The following CCBE1 variants were observed in gnomAD, a reference collection of about 807,000 sequenced individuals.
CCBE1 encodes collagen and calcium binding EGF domains 1.
CCBE1 carries 37 observed loss-of-function variants against 50.0 expected under a neutral mutation model. The ratio of observed to expected loss-of-function variants is 0.74; its 90% CI spans 0.57 to 0.97. The LOEUF (loss-of-function observed/expected upper bound fraction) is 0.97. CCBE1 is among the 50% of genes least tolerant of loss of function. The pLI, the probability that CCBE1 is intolerant of heterozygous loss-of-function variation, is 0.00. For missense variants in CCBE1, 538 were observed against 523.8 expected (o/e 1.03, Z -0.26); for synonymous variants, 234 against 203.7 (o/e 1.15, Z -1.27).
rs1422482903 is a variant in CCBE1 at position 59,671,262 on chromosome 18, G to A, written c.212+25367C>T. Among the ~76,000 whole-genome samples, 6 of 152,216 alleles carry A rather than the reference G, an allele frequency of 3.9e-5. No individual in the cohort carries two copies. In the East Asian group the frequency reaches 1.2e-3, roughly 29 times the overall value. On this transcript the variant is annotated intron_variant, in intron 2 of 10. Coordinates refer to ENST00000439986, the MANE Select transcript of CCBE1 (RefSeq NM_133459.4). ...ACCTGTAATCCCAGCACTTTGGGAG[G>A]CAGCCAAGACTGGCAGATCACTTGA... is the stretch of plus-strand genomic sequence containing the variant.
At chr18:59,628,040 C>A (rs1055588231) in intron 2 of CCBE1, among the ~76,000 whole-genome samples, 1 of 152,164 alleles carries the variant, frequency 6.6e-6, no homozygotes, top group Non-Finnish European at 1.5e-5. Context: ...TAACGACACC[C>A]CGTCTCTACA....
chr18:59,436,979 AC>A (rs756032559), intron 10 of CCBE1, among the ~76,000 whole-genome samples: 7 of 152,198 alleles, frequency 4.6e-5, no homozygotes, highest in African/African-American at 7.2e-5. Context: ...CTCAAAAAAA[AC>A]AATGCTGTTA....
intron 6 of CCBE1, among the ~76,000 whole-genome samples, chr18:59,449,340 G>T (rs894617966): frequency 1.3e-5 from 2 of 151,566 alleles, no homozygotes; most frequent in African/African-American, 4.9e-5. Context: ...CTGTCTGGGG[G>T]CCTGGGCACT....
At chr18:59,534,004 G>C (rs1290869084) in intron 2 of CCBE1, among the ~76,000 whole-genome samples, 2 of 151,820 alleles carry the variant, frequency 1.3e-5, no homozygotes, top group African/African-American at 4.9e-5. Context: ...CCATTTCATT[G>C]AGAGATTCCA....
chr18:59,586,796 T>C (rs1239894935), intron 2 of CCBE1, among the ~76,000 whole-genome samples: 1 of 152,152 alleles, frequency 6.6e-6, no homozygotes, highest in African/African-American at 2.4e-5. Flanking sequence ...ATAAAAATTA[T>C]AAAAGCTTAA....
intron 2 of CCBE1, among the ~76,000 whole-genome samples, chr18:59,554,556 C>CA (rs1209177874): frequency 6.6e-6 from 1 of 152,184 alleles, no homozygotes; most frequent in Non-Finnish European, 1.5e-5. Context: ...ATGTTGTCCC[C>CA]ATTCGCCTTT....
At chr18:59,563,836 A>AG (rs1397171205) in intron 2 of CCBE1, 8 of 152,216 alleles carry the variant, frequency 5.3e-5, no homozygotes, top group African/African-American at 1.9e-4. Context: ...CGATGTTTAG[A>AG]GGGGAAACAG....
chr18:59,594,693 C>T (rs2144544716), intron 2 of CCBE1, among the ~76,000 whole-genome samples: 1 of 152,302 alleles, frequency 6.6e-6, no homozygotes, highest in Middle Eastern at 3.4e-3. Context: ...AGTAGATACT[C>T]ATTTCCTCGG....
intron 6 of CCBE1, among the ~76,000 whole-genome samples, chr18:59,450,839 G>T (rs565202174): frequency 1.3e-5 from 2 of 152,298 alleles, no homozygotes; most frequent in Non-Finnish European, 1.5e-5. Flanking sequence ...CCGGCCTACA[G>T]TCAGTTTAAT....
At chr18:59,543,605 G>A (rs1454596398) in intron 2 of CCBE1, among the ~76,000 whole-genome samples, 1 of 152,144 alleles carries the variant, frequency 6.6e-6, no homozygotes, top group Non-Finnish European at 1.5e-5. Context: ...AGAGGCCGAG[G>A]CGGGCAGATC....
chr18:59,480,374 TA>T (rs2143771669), intron 2 of CCBE1, 136 bp from the exon 3 acceptor site: 2 of 619,686 alleles, frequency 3.2e-6, no homozygotes, highest in East Asian at 5.7e-5. Flanking sequence ...GAAGTATTTT[TA>T]AGGCAATCTG....
At chr18:59,692,956 GCACACACA>G (rs59496597) in intron 2 of CCBE1, among the ~76,000 whole-genome samples, 973 of 86,930 alleles carry the variant, frequency 0.011, 16 homozygotes, top group African/African-American at 0.032. Flanking sequence ...TCAAGCCAAA[GCACACACA>G]CACACACACA....
intron 7 of CCBE1, among the ~76,000 whole-genome samples, chr18:59,445,413 G>C (rs1598906196): frequency 6.6e-6 from 1 of 152,312 alleles, no homozygotes; most frequent in East Asian, 1.9e-4. Flanking sequence ...AGACTGAGAA[G>C]ATTGTTATAC....
intron 2 of CCBE1, among the ~76,000 whole-genome samples, chr18:59,481,813 A>G (rs1912583658): frequency 6.6e-6 from 1 of 152,248 alleles, no homozygotes; most frequent in Non-Finnish European, 1.5e-5. Flanking sequence ...GGAGTTCTTC[A>G]GGCTAACAGG....
intron 2 of CCBE1, among the ~76,000 whole-genome samples, chr18:59,602,548 A>G (rs2053446844): frequency 6.6e-6 from 1 of 152,220 alleles, no homozygotes; most frequent in Non-Finnish European, 1.5e-5. Flanking sequence ...CACATTGAAA[A>G]CAGAAAATAC....
chr18:59,546,055 C>G (rs1394203266), intron 2 of CCBE1, among the ~76,000 whole-genome samples: 1 of 152,178 alleles, frequency 6.6e-6, no homozygotes, highest in Admixed American at 6.5e-5. Flanking sequence ...TGAACTTTTT[C>G]TCTTTTGAAA....
chr18:59,651,172 A>G lies in CCBE1; in HGVS notation c.212+45457T>C, dbSNP rs536231347. Among the ~76,000 whole-genome samples, 79 of 152,328 alleles carry G rather than the reference A, an allele frequency of 5.2e-4. No individual in the cohort carries two copies. The South Asian group carries it at 0.016, about 30-fold the overall frequency. Reference sequence around the variant, plus strand: ...AACAAGCCTAAGCTATAGAAAGATAAGAACCTAGGATCTCACCAATTACAA... The same window carrying G: ...AACAAGCCTAAGCTATAGAAAGATAGGAACCTAGGATCTCACCAATTACAA... On this transcript the variant is annotated intron_variant, in intron 2 of 10. Transcript: ENST00000439986.
At chr18:59,460,936 A>AAAAT (rs59182848) in intron 5 of CCBE1, among the ~76,000 whole-genome samples, 25,275 of 141,032 alleles carry the variant, frequency 0.18, 2,543 homozygotes, top group African/African-American at 0.26. Context: ...CTCTGTCTCA[A>AAAAT]AAATAAATAA....
At chr18:59,583,960 G>C (rs1202759292) in intron 2 of CCBE1, among the ~76,000 whole-genome samples, 1 of 152,048 alleles carries the variant, frequency 6.6e-6, no homozygotes, top group South Asian at 2.1e-4. Context: ...CAGGGATCTA[G>C]AACAAGAAAT....
Sources: gnomAD v4.1 joint callset for allele counts (sites outside exome capture counted in the v4.1 genomes callset) on GRCh38, gnomAD v4.1.1 for gene constraint, MANE v1.5 for transcripts, NCBI Gene and HGNC (gene_info 2026-07-23, HGNC 2026-07-21) for gene names.